Variants in TM2D1 observed in about 807,000 individuals in gnomAD.
TM2D1 encodes TM2 domain containing 1, also known as TM2 domain-containing protein 1.
Under a neutral mutation model 28.4 loss-of-function variants are expected in TM2D1, and 15 were observed. The ratio of observed to expected loss-of-function variants is 0.53; its 90% confidence interval spans 0.35 to 0.81. The LOEUF (loss-of-function observed/expected upper bound fraction) is 0.81. Among genes scored for constraint, TM2D1 ranks in the 40% least tolerant of loss-of-function variants. The pLI, the probability that TM2D1 is intolerant of heterozygous loss-of-function variation, is 0.01. For synonymous variants in TM2D1, 93 were observed against 96.2 expected, an observed-to-expected ratio of 0.97 and a Z score of 0.20; for missense variants, 236 against 254.9, an observed-to-expected ratio of 0.93 and a Z score of 0.50.
chr1:61,684,444 A>G (rs1644269143), intron 5 of TM2D1, among the ~76,000 whole-genome samples: 1 of 152,138 alleles, frequency 6.6e-6, no homozygotes, highest in Non-Finnish European at 1.5e-5. Flanking sequence ...CCTACCATCC[A>G]GGATACCCCG....
chr1:61,706,862 GAAAT>G (rs1644445517), intron 3 of TM2D1, among the ~76,000 whole-genome samples: 1 of 143,144 alleles, frequency 7.0e-6, no homozygotes, highest in Non-Finnish European at 1.5e-5. Flanking sequence ...AAGAAAGAAA[GAAAT>G]AGTAAACTTT....
intron 3 of TM2D1, among the ~76,000 whole-genome samples, chr1:61,703,359 C>G (rs1318042731): frequency 6.9e-6 from 1 of 144,636 alleles, no homozygotes; most frequent in African/African-American, 2.5e-5. Flanking sequence ...TGACATATTA[C>G]TATATATAAT....
chr1:61,711,815 G>T (rs1644481367), intron 2 of TM2D1, among the ~76,000 whole-genome samples: 2 of 152,006 alleles, frequency 1.3e-5, no homozygotes, highest in Admixed American at 6.6e-5. Flanking sequence ...TTATATAGTA[G>T]ACAACTCAAA....
At chr1:61,701,106 T>TAA in intron 3 of TM2D1, 81 bp from the exon 4 acceptor site, 2 of 1,077,206 alleles carry the variant, frequency 1.9e-6, no homozygotes, top group Non-Finnish European at 2.8e-6. Flanking sequence ...TACTTGTTAA[T>TAA]TGGTTCATTC....
rs913688558 is a variant in TM2D1, at chr1:61,690,738, C to A, written c.513+3959G>T. Among the ~76,000 whole-genome samples, 6 of 152,142 alleles carry A rather than the reference C, an allele frequency of 3.9e-5. No individual in the cohort carries two copies. The East Asian group carries it at 9.7e-4, about 24-fold the overall frequency. On this transcript the variant is annotated intron_variant, in intron 5 of 6. Transcript: ENST00000606498. Reference sequence around the variant, plus strand: ...CAGATTAATAAAAGTCATTTTTCCTCAAAAAATTTATGTGTGAAAAGTCAA... The same window carrying A: ...CAGATTAATAAAAGTCATTTTTCCTAAAAAAATTTATGTGTGAAAAGTCAA...
chr1:61,708,338 C>A (rs909481176), intron 3 of TM2D1, among the ~76,000 whole-genome samples: 3 of 152,204 alleles, frequency 2.0e-5, no homozygotes, highest in African/African-American at 4.8e-5. Context: ...GTGTAAGCCA[C>A]CACTCTAGGC....
chr1:61,691,932 A>AAATATATATATATATATAGATATATATAT, intron 5 of TM2D1, among the ~76,000 whole-genome samples: 1 of 76,414 alleles, frequency 1.3e-5, no homozygotes. Context: ...AAAAAAAAAA[A>AAATATATATATATATATAGATATATATAT]ATATATATAT....
At chr1:61,709,467 ATT>A in intron 2 of TM2D1, 30 bp from the exon 3 acceptor site, 1 of 1,360,628 alleles carries the variant, frequency 7.3e-7, no homozygotes, top group Non-Finnish European at 1.0e-6. Context: ...AGAAACTGTT[ATT>A]TTTTTTTTCT....
chr1:61,691,943 ATATATATATATATATATG>A (rs1557527370), intron 5 of TM2D1, among the ~76,000 whole-genome samples: 4 of 127,074 alleles, frequency 3.1e-5, no homozygotes, highest in Non-Finnish European at 6.8e-5. Flanking sequence ...ATATATATAT[ATATATATATATATATATG>A]TATATATATA....
At chr1:61,722,190 G>T (rs568836533) in intron 2 of TM2D1, among the ~76,000 whole-genome samples, 1 of 152,026 alleles carries the variant, frequency 6.6e-6, no homozygotes, top group African/African-American at 2.4e-5. Context: ...AGAGGCCGAG[G>T]TGGGAGGATC....
chr1:61,689,295 G>A (rs1056552066), intron 5 of TM2D1, among the ~76,000 whole-genome samples: 3 of 152,134 alleles, frequency 2.0e-5, no homozygotes, highest in African/African-American at 7.2e-5. Context: ...AAAATGCAAA[G>A]ATTTTTTAAA....
At chr1:61,706,864 A>AAGAAAGAAAGAAAG (rs1644445550) in intron 3 of TM2D1, among the ~76,000 whole-genome samples, 2 of 147,402 alleles carry the variant, frequency 1.4e-5, no homozygotes, top group Non-Finnish European at 1.5e-5. Flanking sequence ...GAAAGAAAGA[A>AAGAAAGAAAGAAAG]ATAGTAAACT....
intron 3 of TM2D1, among the ~76,000 whole-genome samples, chr1:61,701,554 T>C (rs942008728): frequency 2.0e-5 from 2 of 100,260 alleles, no homozygotes; most frequent in Admixed American, 1.2e-4. Context: ...ATAATTCTCT[T>C]TCGTGTGTGT....
chr1:61,722,793 TAAAG>T lies in TM2D1; in HGVS notation c.238+916_238+919del, dbSNP rs779331220. ...TCAGAATACAGAATAGAGTTACACA[TAAAG>T]AAGAGTTAGTTCTCAAATAGTTGTT... is the stretch of plus-strand genomic sequence containing the variant. On this transcript the variant is annotated intron_variant, in intron 2 of 6. Coordinates refer to ENST00000606498, the MANE Select transcript of TM2D1 (RefSeq NM_032027.3). Among the ~76,000 whole-genome samples, 41 of 152,314 alleles carry T rather than the reference TAAAG, an allele frequency of 2.7e-4. No homozygotes were observed. The Middle Eastern group carries it at 0.01, about 38-fold the overall frequency.
chr1:61,705,518 C>T (rs1644434317), intron 3 of TM2D1, among the ~76,000 whole-genome samples: 1 of 152,096 alleles, frequency 6.6e-6, no homozygotes, highest in Admixed American at 6.6e-5. Context: ...ATACAGCTAA[C>T]CTACATTTCC....
rs1490244080 is a variant in TM2D1, at chr1:61,691,933, ATATATAT to A, written c.513+2757_513+2763del. 9.8e-4 allele frequency among the ~76,000 whole-genome samples: 81 copies of A among 83,006 alleles called. 3 individuals carry two copies. In the East Asian group the frequency reaches 0.013, roughly 14 times the overall value. 54.5% of individuals were successfully genotyped at this position (83,006 alleles called of 152,430 possible). Reference sequence around the variant, plus strand: ...CTCAAAAAAAACTTAAAAAAAAAAAATATATATATATATATATATATATATATGTATA... The same window carrying A: ...CTCAAAAAAAACTTAAAAAAAAAAAAATATATATATATATATATATGTATA... On this transcript the variant is annotated intron_variant, in intron 5 of 6. Coordinates refer to ENST00000606498, the MANE Select transcript of TM2D1 (RefSeq NM_032027.3).
chr1:61,715,035 G>GT (rs1281709687), intron 2 of TM2D1, among the ~76,000 whole-genome samples: 1 of 152,182 alleles, frequency 6.6e-6, no homozygotes, highest in Non-Finnish European at 1.5e-5. Flanking sequence ...AGGTACCATC[G>GT]TGACGGGAAA....
chr1:61,690,031 C>A (rs1255425446), intron 5 of TM2D1, among the ~76,000 whole-genome samples: 1 of 152,174 alleles, frequency 6.6e-6, no homozygotes, highest in Non-Finnish European at 1.5e-5. Flanking sequence ...ACCCTTTACA[C>A]CATGTGGGCA....
At chr1:61,717,536 G>C (rs925837493) in intron 2 of TM2D1, among the ~76,000 whole-genome samples, 1 of 151,976 alleles carries the variant, frequency 6.6e-6, no homozygotes, top group African/African-American at 2.4e-5. Context: ...TAACTACACA[G>C]TATTCATTAT....
Sources: gnomAD v4.1 joint callset for allele counts (sites outside exome capture counted in the v4.1 genomes callset) on GRCh38, gnomAD v4.1.1 for gene constraint, MANE v1.5 for transcripts, NCBI Gene and HGNC (gene_info 2026-07-23, HGNC 2026-07-21) for gene names.